Variants in FAM227B observed in about 807,000 individuals in gnomAD.
FAM227B encodes the protein protein FAM227B.
FAM227B carries 88 observed loss-of-function variants against 73.8 expected under a neutral mutation model. The observed-to-expected ratio is 1.19, with a 90% confidence interval of 1.00 to 1.42. FAM227B has a LOEUF of 1.42. Ranked by LOEUF, FAM227B falls within the 40% of genes most tolerant of loss-of-function variation. The probability of loss-of-function intolerance (pLI) is 0.00; values close to 1 mark genes in which losing one functional copy is unlikely to be tolerated. For synonymous variants in FAM227B, 210 were observed against 190.5 expected (o/e 1.10, Z -0.84); for missense variants, 632 against 590.9 (o/e 1.07, Z -0.72).
intron 11 of FAM227B, among the ~76,000 whole-genome samples, chr15:49,475,480 T>G (rs1178058345): frequency 6.6e-6 from 1 of 152,138 alleles, no homozygotes; most frequent in Admixed American, 6.5e-5. Context: ...CTGTGAAAAT[T>G]TCAAAGGCTT....
intron 11 of FAM227B, among the ~76,000 whole-genome samples, chr15:49,377,114 A>G (rs1318984278): frequency 6.6e-6 from 1 of 152,074 alleles, no homozygotes; most frequent in Non-Finnish European, 1.5e-5. Flanking sequence ...GATCCCATAA[A>G]TAATTGAGAA....
intron 13 of FAM227B, chr15:49,366,590 G>T (rs1279993328): frequency 1.9e-6 from 3 of 1,599,104 alleles, no homozygotes; most frequent in East Asian, 4.5e-5. Context: ...ATTTCCAGAC[G>T]CATGCAAGAT....
intron 7 of FAM227B, 55 bp downstream of exon 7, chr15:49,576,686 T>C (rs1212215458): frequency 5.0e-6 from 5 of 994,982 alleles, no homozygotes; most frequent in African/African-American, 4.9e-5. Flanking sequence ...AAGGTCTGAT[T>C]CATTAAATCA....
chr15:49,568,905 G>C (rs1447932168), intron 8 of FAM227B, among the ~76,000 whole-genome samples: 9 of 151,934 alleles, frequency 5.9e-5, no homozygotes, highest in Non-Finnish European at 1.0e-4. Flanking sequence ...TACAGGTTGA[G>C]TTAGAAAATG....
At chr15:49,424,882 A>C in intron 11 of FAM227B, 5 of 185,178 alleles carry the variant, frequency 2.7e-5, no homozygotes, top group East Asian at 1.3e-4. Flanking sequence ...TCACACCAAA[A>C]TGTGACTTAA....
At chr15:49,340,418 C>A (rs1009470772) in intron 13 of FAM227B, among the ~76,000 whole-genome samples, 2 of 143,732 alleles carry the variant, frequency 1.4e-5, no homozygotes, top group Admixed American at 6.9e-5. Context: ...CCCCCTCCCC[C>A]CCCCGCTTTG....
chr15:49,550,504 G>A (rs1438614036), intron 9 of FAM227B, among the ~76,000 whole-genome samples: 1 of 151,390 alleles, frequency 6.6e-6, no homozygotes, highest in African/African-American at 2.4e-5. Context: ...CTGCCAGGCG[G>A]AGGGGCTCCT....
chr15:49,454,869 A>G (rs998974062), intron 11 of FAM227B, among the ~76,000 whole-genome samples: 5 of 152,184 alleles, frequency 3.3e-5, no homozygotes, highest in African/African-American at 1.2e-4. Context: ...TCGGCCTCCC[A>G]AAGTGCTGGG....
chr15:49,376,989 TTTA>T (rs1243350689), intron 11 of FAM227B, among the ~76,000 whole-genome samples: 3 of 152,032 alleles, frequency 2.0e-5, no homozygotes, highest in Admixed American at 1.3e-4. Flanking sequence ...GCTACTTTTT[TTTA>T]TTGTCTCCAT....
intron 11 of FAM227B, among the ~76,000 whole-genome samples, chr15:49,393,415 T>C (rs2047351152): frequency 6.6e-6 from 1 of 152,220 alleles, no homozygotes; most frequent in African/African-American, 2.4e-5. Flanking sequence ...TCGGAATGTT[T>C]ACTGTAAGTC....
intron 11 of FAM227B, among the ~76,000 whole-genome samples, chr15:49,478,531 A>G (rs913192512): frequency 1.3e-5 from 2 of 152,188 alleles, no homozygotes; most frequent in African/African-American, 4.8e-5. Flanking sequence ...AAATCATAAA[A>G]TGTATTTAAA....
intron 13 of FAM227B, among the ~76,000 whole-genome samples, chr15:49,356,481 CAAAG>C (rs1443603397): frequency 6.7e-6 from 1 of 148,896 alleles, no homozygotes; most frequent in African/African-American, 2.5e-5. Context: ...TCAAAAGAGA[CAAAG>C]AAGGCCATTA....
intron 9 of FAM227B, among the ~76,000 whole-genome samples, chr15:49,555,941 T>A (rs1207908352): frequency 6.6e-6 from 1 of 152,226 alleles, no homozygotes; most frequent in Non-Finnish European, 1.5e-5. Flanking sequence ...ACCACCTGTA[T>A]CATTTTATTG....
At chr15:49,585,320 G>C (rs1254287211) in intron 5 of FAM227B, among the ~76,000 whole-genome samples, 1 of 152,186 alleles carries the variant, frequency 6.6e-6, no homozygotes, top group African/African-American at 2.4e-5. Context: ...AATACCATTT[G>C]ACCCAGCCAT....
intron 11 of FAM227B, among the ~76,000 whole-genome samples, chr15:49,393,281 G>A (rs1462797116): frequency 2.0e-5 from 3 of 152,016 alleles, no homozygotes; most frequent in African/African-American, 7.2e-5. Flanking sequence ...TAAATGGAGG[G>A]TGCTGTGGTT....
intron 13 of FAM227B, among the ~76,000 whole-genome samples, chr15:49,361,727 G>A (rs2044276565): frequency 6.6e-6 from 1 of 151,904 alleles, no homozygotes; most frequent in African/African-American, 2.4e-5. Flanking sequence ...GTATCTTTCT[G>A]GTAGAAAGAT....
At chr15:49,613,830 T>C (rs547338389) in intron 2 of FAM227B, among the ~76,000 whole-genome samples, 12 of 152,242 alleles carry the variant, frequency 7.9e-5, no homozygotes, top group African/African-American at 1.4e-4. Context: ...CAAAGATGCA[T>C]AGAGATGTGA....
At chr15:49,413,492 A>G (rs1368246818) in intron 11 of FAM227B, among the ~76,000 whole-genome samples, 1 of 152,024 alleles carries the variant, frequency 6.6e-6, no homozygotes, top group Non-Finnish European at 1.5e-5. Context: ...GACTAATAAC[A>G]GTCTCCAACA....
chr15:49,439,780 T>C (rs764213671), intron 11 of FAM227B, among the ~76,000 whole-genome samples: 2 of 151,650 alleles, frequency 1.3e-5, no homozygotes, highest in African/African-American at 4.8e-5. Flanking sequence ...CTTCGTAGCA[T>C]TGAGAAAGAA....
Sources: gnomAD v4.1 joint callset for allele counts (sites outside exome capture counted in the v4.1 genomes callset) on GRCh38, gnomAD v4.1.1 for gene constraint, MANE v1.5 for transcripts, NCBI Gene and HGNC (gene_info 2026-07-23, HGNC 2026-07-21) for gene names.